The following LOC400499 variants were observed in gnomAD, a reference collection of about 807,000 sequenced individuals.
chr16:11,492,506 G>A, the LOC400499 span, among the ~76,000 whole-genome samples: 5 of 152,008 alleles, frequency 3.3e-5, no homozygotes, highest in South Asian at 2.1e-4. Flanking sequence ...GGTGGTGGCC[G>A]GGCGCGGTGG....
the LOC400499 span, chr16:11,460,956 T>A: frequency 1.3e-6 from 2 of 1,524,178 alleles, no homozygotes; most frequent in Non-Finnish European, 1.8e-6. Flanking sequence ...AGGCACGCAG[T>A]GCCTTACCCA....
At chr16:11,411,437 C>G in the LOC400499 span, 1 of 397,932 alleles carries the variant, frequency 2.5e-6, no homozygotes, top group Non-Finnish European at 4.4e-6. Context: ...GTCAGAGAGC[C>G]AGGATCACAT....
chr16:11,503,191 A>C, the LOC400499 span, among the ~76,000 whole-genome samples: 1 of 152,224 alleles, frequency 6.6e-6, no homozygotes, highest in African/African-American at 2.4e-5. Context: ...CTGGGATGAC[A>C]GGTGTGAGCC....
the LOC400499 span, among the ~76,000 whole-genome samples, chr16:11,481,104 G>A: frequency 6.6e-6 from 1 of 152,234 alleles, no homozygotes; most frequent in Non-Finnish European, 1.5e-5. Flanking sequence ...AGACACAAAG[G>A]TCACATATTA....
At chr16:11,422,360 A>T in the LOC400499 span, among the ~76,000 whole-genome samples, 1 of 152,232 alleles carries the variant, frequency 6.6e-6, no homozygotes, top group Non-Finnish European at 1.5e-5. Flanking sequence ...AGGTCATGCC[A>T]CTACACTCAA....
the LOC400499 span, among the ~76,000 whole-genome samples, chr16:11,433,571 G>C: frequency 6.6e-6 from 1 of 152,162 alleles, no homozygotes; most frequent in African/African-American, 2.4e-5. Context: ...TTGTTGACAG[G>C]AGCATCTTTG....
At chr16:11,510,216 C>A in the LOC400499 span, among the ~76,000 whole-genome samples, 11 of 136,610 alleles carry the variant, frequency 8.1e-5, no homozygotes, top group African/African-American at 2.5e-4. Context: ...TGCTCCTTAG[C>A]AAAGGCGTGT....
chr16:11,385,485 C>T, the LOC400499 span: 23 of 1,084,626 alleles, frequency 2.1e-5, no homozygotes, highest in Non-Finnish European at 2.7e-5. Context: ...GAGCCCAATG[C>T]CTGCTGGGTG....
the LOC400499 span, among the ~76,000 whole-genome samples, chr16:11,418,541 G>T: frequency 2.0e-5 from 3 of 152,148 alleles, no homozygotes; most frequent in Non-Finnish European, 2.9e-5. Flanking sequence ...TGTCTAAAAA[G>T]GGGAGGCGTG....
chr16:11,431,237 G>T, the LOC400499 span: 1 of 399,062 alleles, frequency 2.5e-6, no homozygotes, highest in Non-Finnish European at 4.4e-6. Context: ...ATCCTAGGCA[G>T]CGAAGTAAGG....
At chr16:11,523,296 T>C in the LOC400499 span, 1 of 397,758 alleles carries the variant, frequency 2.5e-6, no homozygotes, top group Non-Finnish European at 4.4e-6. Flanking sequence ...TTTGGGAGCA[T>C]AGTCAGGGCC....
chr16:11,484,465 G>A, the LOC400499 span, among the ~76,000 whole-genome samples: 1 of 152,096 alleles, frequency 6.6e-6, no homozygotes, highest in Non-Finnish European at 1.5e-5. Flanking sequence ...GTGTCAATTA[G>A]ACCTCAATAA....
chr16:11,381,494 A>G, the LOC400499 span, among the ~76,000 whole-genome samples: 5 of 152,234 alleles, frequency 3.3e-5, no homozygotes, highest in Admixed American at 6.5e-5. Context: ...ATTTTTCCCA[A>G]TCTGTAGCTT....
the LOC400499 span, among the ~76,000 whole-genome samples, chr16:11,525,909 A>G: frequency 6.6e-6 from 1 of 152,240 alleles, no homozygotes; most frequent in Admixed American, 6.5e-5. Flanking sequence ...GAGGTAATAA[A>G]TTCTTCAATC....
At chr16:11,440,684 C>G in the LOC400499 span, 2 of 398,738 alleles carry the variant, frequency 5.0e-6, no homozygotes, top group Non-Finnish European at 8.8e-6. Context: ...TATTAAGACC[C>G]GGCCTCCCTC....
the LOC400499 span, among the ~76,000 whole-genome samples, chr16:11,482,614 G>T: frequency 4.6e-5 from 7 of 152,166 alleles, no homozygotes; most frequent in Non-Finnish European, 1.0e-4. Flanking sequence ...TTTCTGGTCA[G>T]CCATGGTGGG....
the LOC400499 span, among the ~76,000 whole-genome samples, chr16:11,414,004 C>T: frequency 6.6e-6 from 1 of 152,104 alleles, no homozygotes; most frequent in Non-Finnish European, 1.5e-5. Flanking sequence ...CTGACGAACG[C>T]CCATAAACCC....
chr16:11,387,473 G>A, the LOC400499 span, among the ~76,000 whole-genome samples: 7 of 152,182 alleles, frequency 4.6e-5, no homozygotes, highest in African/African-American at 1.7e-4. Context: ...GAGGACAGAG[G>A]CCGGCATGAC....
the LOC400499 span, chr16:11,425,538 GATGTCGC>G: frequency 2.5e-6 from 1 of 397,968 alleles, no homozygotes; most frequent in Non-Finnish European, 4.4e-6. Flanking sequence ...CTAGATTCAT[GATGTCGC>G]ACTTGTAACT....
Sources: gnomAD v4.1 joint callset for allele counts (sites outside exome capture counted in the v4.1 genomes callset) on GRCh38, gnomAD v4.1.1 for gene constraint, MANE v1.5 for transcripts.